The following ARID1B variants were observed in gnomAD, a reference collection of about 807,000 sequenced individuals.
ARID1B encodes AT-rich interaction domain 1B, also known as AT-rich interactive domain-containing protein 1B.
Under a neutral mutation model 212.3 loss-of-function variants are expected in ARID1B, and 30 were observed. That is an observed-to-expected ratio of 0.14 (90% CI 0.11 to 0.19). ARID1B has a LOEUF of 0.19. Among genes scored for constraint, ARID1B ranks in the 10% least tolerant of loss-of-function variants. The pLI is 1.00. For missense variants in ARID1B, 2,891 were observed against 3,204.0 expected, an observed-to-expected ratio of 0.90 and a Z score of 2.36; for synonymous variants, 1,402 against 1,301.7, an observed-to-expected ratio of 1.08 and a Z score of -1.66.
chr6:157,204,775 T>G (rs1164323693), intron 19 of ARID1B: 5 of 152,154 alleles, frequency 3.3e-5, no homozygotes, highest in African/African-American at 9.7e-5. Flanking sequence ...AAGAAATATT[T>G]AGAAATAAAA....
chr6:156,823,688 GTT>G (rs56983474), intron 1 of ARID1B, among the ~76,000 whole-genome samples: 2 of 118,024 alleles, frequency 1.7e-5, no homozygotes, highest in East Asian at 2.4e-4. Context: ...TTTCTTTGTT[GTT>G]TTTTTTTTTT....
At position 157,190,070 on chromosome 6, in the gene ARID1B, C is replaced by T. The variant is rs1187357394; in HGVS notation, c.4091C>T (p.Ser1364Leu). The T allele has an allele frequency of 1.9e-5, 31 of 1,614,104 alleles. No homozygotes were observed. The highest frequency in any genetic ancestry group is 2.3e-5 in the Non-Finnish European group (27 of 1,180,028). Residue 1364 changes from serine (S) to leucine (L), a missense_variant, in exon 15 of 20, where the codon TCA becomes TTA. Around this residue, in one of 7 missense-constraint regions of ARID1B, gnomAD observed 666 missense variants for 873.5 expected, o/e 0.76. Coordinates refer to ENST00000636930, the MANE Select transcript of ARID1B (RefSeq NM_001374828.1). This position sits in a 1 kb window ranked among gnomAD's most constrained non-coding sequence, Gnocchi z 4.6. ...SSTISVHDPFSDVSDSSFPKR... is the reference protein window; with the variant it reads ...SSTISVHDPFLDVSDSSFPKR... ...ACAATCAGTGTGCACGACCCATTCT[C>T]AGATGTGAGTGATTCATCCTTCCCG...
intron 4 of ARID1B, among the ~76,000 whole-genome samples, chr6:157,003,838 A>T (rs1218956641): frequency 2.0e-5 from 3 of 151,972 alleles, no homozygotes; most frequent in Non-Finnish European, 2.9e-5. Flanking sequence ...ATAGGTGCGC[A>T]TGACTGTTCC....
chr6:157,048,178 G>T (rs1326821438), intron 4 of ARID1B, among the ~76,000 whole-genome samples: 1 of 152,178 alleles, frequency 6.6e-6, no homozygotes, highest in Non-Finnish European at 1.5e-5. Flanking sequence ...AACGTGGCTG[G>T]TGTTGAAAGA....
intron 3 of ARID1B, among the ~76,000 whole-genome samples, chr6:156,923,468 TCTC>T (rs1790966558): frequency 6.6e-6 from 1 of 152,110 alleles, no homozygotes; most frequent in Non-Finnish European, 1.5e-5. Flanking sequence ...TCCCATCCCT[TCTC>T]CACCACTTGC....
At position 157,206,994 on chromosome 6, in the gene ARID1B, T is replaced by C. The variant is rs533926238; in HGVS notation, c.6222T>C (p.Ile2074=). ...LAKRCICVSN[I]VRSLSFVPGN... ...AGCGATGCATCTGTGTGTCCAATATTGTCCGTAGCTTGTCATTCGTGCCTG... is the reference window on the plus strand; with the variant it reads ...AGCGATGCATCTGTGTGTCCAATATCGTCCGTAGCTTGTCATTCGTGCCTG... The change falls in exon 20 of 20, where the codon ATT becomes ATC. Residue 2074 remains isoleucine (I), a synonymous_variant. Coordinates refer to ENST00000636930, the MANE Select transcript of ARID1B (RefSeq NM_001374828.1). The surrounding 1 kb of genome is among the most constrained non-coding windows in gnomAD (Gnocchi z 6.8). 3 of 1,614,234 alleles carry C rather than the reference T, an allele frequency of 1.9e-6. No homozygotes were observed. The Admixed American group carries it at 5.0e-5, about 27-fold the overall frequency.
At chr6:157,074,903 T>C (rs1170303874) in intron 4 of ARID1B, among the ~76,000 whole-genome samples, 7 of 152,162 alleles carry the variant, frequency 4.6e-5, no homozygotes, top group African/African-American at 1.7e-4. Flanking sequence ...TGGTTGAGTG[T>C]AAAACACACT....
chr6:157,206,772 C>T lies in ARID1B; in HGVS notation c.6000C>T (p.Ile2000=), dbSNP rs146192623. 1.2e-6 allele frequency: 2 copies of T among 1,613,578 alleles called. No individual in the cohort carries two copies. Among genetic ancestry groups the T allele is most frequent in the African/African-American group, 1.3e-5 (1 of 74,910 alleles). The change falls in exon 20 of 20, where the codon ATC becomes ATT. Residue 2000 remains isoleucine (I), a synonymous_variant. Transcript: ENST00000636930. This position sits in a 1 kb window ranked among gnomAD's most constrained non-coding sequence, Gnocchi z 6.8. Reference sequence around the variant, plus strand: ...AAGAGAAAAGCATCATAGCAACCATCGATGACGTCCTCTCTGCTCGGCCAG... The same window carrying T: ...AAGAGAAAAGCATCATAGCAACCATTGATGACGTCCTCTCTGCTCGGCCAG... ...EQQEKSIIAT[I]DDVLSARPGA...
At chr6:157,184,614 A>G (rs1275996294) in intron 13 of ARID1B, 179 bp downstream of exon 13, 1 of 710,842 alleles carries the variant, frequency 1.4e-6, no homozygotes, top group Non-Finnish European at 2.4e-6. Flanking sequence ...AAGGGATGAG[A>G]GAATTAAATC....
At chr6:156,861,199 G>T (rs1757827074) in intron 2 of ARID1B, among the ~76,000 whole-genome samples, 1 of 152,166 alleles carries the variant, frequency 6.6e-6, no homozygotes, top group Middle Eastern at 3.2e-3. Context: ...AGGGGGGACA[G>T]GCATGTTCTT....
chr6:157,061,071 G>C (rs1005789906), intron 4 of ARID1B, among the ~76,000 whole-genome samples: 1 of 152,172 alleles, frequency 6.6e-6, no homozygotes, highest in African/African-American at 2.4e-5. Context: ...CTGTGGACTC[G>C]TGACTCAGGC....
chr6:157,010,314 GTTGTTTTGGT>G (rs1343124997), intron 4 of ARID1B, among the ~76,000 whole-genome samples: 9 of 94,322 alleles, frequency 9.5e-5, no homozygotes, highest in Admixed American at 4.6e-4. Context: ...TGTTGTTGTT[GTTGTTTTGGT>G]TTGTTTTGGT....
At chr6:156,973,147 C>G (rs1221962232) in intron 4 of ARID1B, among the ~76,000 whole-genome samples, 1 of 152,202 alleles carries the variant, frequency 6.6e-6, no homozygotes, top group Non-Finnish European at 1.5e-5. Flanking sequence ...GTATTGTGCA[C>G]TCAAAAACTG....
At chr6:157,067,284 C>T (rs1189033764) in intron 4 of ARID1B, among the ~76,000 whole-genome samples, 3 of 152,196 alleles carry the variant, frequency 2.0e-5, no homozygotes, top group Non-Finnish European at 2.9e-5. Context: ...AGCCCATGCT[C>T]CTAACCACGA....
At chr6:156,944,984 T>A (rs551120204) in intron 4 of ARID1B, among the ~76,000 whole-genome samples, 6 of 149,606 alleles carry the variant, frequency 4.0e-5, no homozygotes, top group Non-Finnish European at 7.4e-5. Flanking sequence ...GTGTAGTGGC[T>A]CGATCTCGGC....
chr6:157,203,338 C>T lies in ARID1B; in HGVS notation c.5264-528C>T, dbSNP rs904301244. ...TATTTATCACAGCATGTTCTGAGGG[C>T]AGGAGCACAGGACTAGAGGAAAGCA... On this transcript the variant is annotated intron_variant, in intron 18 of 19. Coordinates refer to ENST00000636930, the MANE Select transcript of ARID1B (RefSeq NM_001374828.1). The surrounding 1 kb of genome is among the most constrained non-coding windows in gnomAD (Gnocchi z 4.4). Among the ~76,000 whole-genome samples the T allele has an allele frequency of 6.6e-6, 1 of 152,220 alleles. No individual in the cohort carries two copies. The highest frequency in any genetic ancestry group is 6.5e-5 in the Admixed American group (1 of 15,288).
chr6:156,793,962 A>G (rs1369811695), intron 1 of ARID1B, among the ~76,000 whole-genome samples: 2 of 152,244 alleles, frequency 1.3e-5, no homozygotes, highest in Non-Finnish European at 2.9e-5. Context: ...TATTTTATAG[A>G]CAAGGAAACT....
chr6:156,817,393 T>A (rs1291525673), intron 1 of ARID1B, among the ~76,000 whole-genome samples: 1 of 151,958 alleles, frequency 6.6e-6, no homozygotes. Flanking sequence ...CCCAGCACTT[T>A]GGGAGGCTGA....
chr6:156,787,717 A>G (rs755999366), intron 1 of ARID1B, among the ~76,000 whole-genome samples: 1 of 152,178 alleles, frequency 6.6e-6, no homozygotes, highest in Non-Finnish European at 1.5e-5. Flanking sequence ...AGAAGCAGAC[A>G]TAATTCCGAG....
Sources: allele counts gnomAD v4.1 joint callset (sites outside exome capture counted in the v4.1 genomes callset), GRCh38; gene constraint gnomAD v4.1.1; regional missense constraint gnomAD v4.1.1; non-coding constraint Gnocchi (gnomAD v3.1); transcripts MANE v1.5; gene names NCBI Gene and HGNC (gene_info 2026-07-23, HGNC 2026-07-21).